DGKI: variants seen among roughly 807,000 people sequenced by gnomAD.
DGKI encodes the protein diacylglycerol kinase iota.
DGKI carries 55 observed loss-of-function variants against 147.5 expected under a neutral mutation model. The observed-to-expected ratio is 0.37, with a 90% confidence interval of 0.30 to 0.47. The LOEUF is 0.47. DGKI is among the 20% of genes least tolerant of loss of function. The pLI is 1.00. For synonymous variants in DGKI, 469 were observed against 477.1 expected (o/e 0.98, Z 0.22); for missense variants, 1,007 against 1,323.8 (o/e 0.76, Z 3.71).
intron 6 of DGKI, among the ~76,000 whole-genome samples, chr7:137,624,066 A>T (rs770118156): frequency 3.3e-5 from 5 of 152,214 alleles, no homozygotes; most frequent in Non-Finnish European, 7.3e-5. Context: ...CACTTTCATA[A>T]GCCCCTTGAG....
rs1286443242 is a variant in DGKI at position 137,767,532 on chromosome 7, GT to G, written c.402-77531del. Among the ~76,000 whole-genome samples the G allele has an allele frequency of 6.6e-3, 886 of 134,886 alleles. 17 individuals are homozygous for G. Among genetic ancestry groups the G allele is most frequent in the African/African-American group, 0.025 (837 of 33,382 alleles). The allele number at this position is 134,886 out of a possible 152,430, so 88.5% of individuals were successfully genotyped here. A position where few individuals can be genotyped will look rare whatever the true frequency, so the allele number is the denominator to read the frequency against. ...GAAGAGAAGAGAAGAGAAGAGAAGA[GT>G]AGAGTAGGAGGAAGAGGAAGAGAAG... On this transcript the variant is annotated intron_variant, in intron 1 of 32. Coordinates refer to ENST00000614521, the MANE Select transcript of DGKI (RefSeq NM_001321708.2).
At chr7:137,427,018 A>G (rs1812840177) in intron 28 of DGKI, among the ~76,000 whole-genome samples, 1 of 150,806 alleles carries the variant, frequency 6.6e-6, no homozygotes, top group African/African-American at 2.5e-5. Context: ...AAGGATACCC[A>G]GGAATTGAAC....
intron 1 of DGKI, among the ~76,000 whole-genome samples, chr7:137,772,732 T>C (rs1409513440): frequency 6.6e-6 from 1 of 152,258 alleles, no homozygotes; most frequent in Non-Finnish European, 1.5e-5. Flanking sequence ...GGAAACACTG[T>C]CAGCAGTTAT....
intron 1 of DGKI, among the ~76,000 whole-genome samples, chr7:137,817,810 T>G (rs1425400682): frequency 2.0e-5 from 3 of 152,238 alleles, no homozygotes; most frequent in African/African-American, 7.2e-5. Context: ...TCCCATGCCT[T>G]TCTTACCCGT....
chr7:137,407,061 A>G (rs1013489005), intron 30 of DGKI, among the ~76,000 whole-genome samples: 32 of 152,072 alleles, frequency 2.1e-4, no homozygotes, highest in African/African-American at 7.0e-4. Context: ...AACTTTTCCA[A>G]TCTCTCTGTA....
At chr7:137,471,812 A>G (rs1407131292) in intron 23 of DGKI, among the ~76,000 whole-genome samples, 1 of 149,716 alleles carries the variant, frequency 6.7e-6, no homozygotes, top group Non-Finnish European at 1.5e-5. Flanking sequence ...AAATATGTAT[A>G]TCATTTATAT....
At chr7:137,497,214 G>C (rs1410312045) in intron 21 of DGKI, among the ~76,000 whole-genome samples, 1 of 151,886 alleles carries the variant, frequency 6.6e-6, no homozygotes, top group Non-Finnish European at 1.5e-5. Context: ...CTGATCATTA[G>C]AGAAATGCAA....
rs1376046979 is a variant in DGKI at position 137,846,737 on chromosome 7, G to A, written c.126C>T (p.Cys42=). 6 of 1,010,708 alleles carry A rather than the reference G, an allele frequency of 5.9e-6. No homozygotes were observed. Among genetic ancestry groups the A allele is most frequent in the Admixed American group, 5.9e-5 (1 of 16,854 alleles). The allele number at this position is 1,010,708 out of a possible 1,614,324, so 62.6% of individuals were successfully genotyped here. A position where few individuals can be genotyped will look rare whatever the true frequency, so the allele number is the denominator to read the frequency against. ...CCGCTCCGGCGGCCGCGGAGGGAGC[G>A]CAGGCGGCGCCGCTGCAGGGGCCGG... ...SPPGPCSGAA[C]APSAAAGAGA... is the part of the protein sequence containing the mutation. Residue 42 remains cysteine (C), a synonymous_variant, in exon 1 of 33, where the codon TGC becomes TGT. Transcript: ENST00000614521. The surrounding 1 kb of genome is among the most constrained non-coding windows in gnomAD (Gnocchi z 4.0).
rs1187478753 is a variant in DGKI at position 137,385,012 on chromosome 7, A to G, written c.*6208T>C. Reference sequence around the variant, plus strand: ...TCATGTACATTTACTTGGCTCCCAAATACCTTACAGGCAGAATTTTCTTCT... The same window carrying G: ...TCATGTACATTTACTTGGCTCCCAAGTACCTTACAGGCAGAATTTTCTTCT... On this transcript the variant is annotated 3_prime_UTR_variant, in exon 33 of 33. Coordinates refer to ENST00000614521, the MANE Select transcript of DGKI (RefSeq NM_001321708.2). The G allele has an allele frequency of 2.6e-5, 4 of 152,084 alleles. No homozygotes were observed. The highest frequency in any genetic ancestry group is 5.9e-5 in the Non-Finnish European group (4 of 67,996). 9.4% of individuals were successfully genotyped at this position (152,084 alleles called of 1,614,324 possible).
At chr7:137,472,197 T>C (rs1426661609) in intron 23 of DGKI, among the ~76,000 whole-genome samples, 1 of 114,066 alleles carries the variant, frequency 8.8e-6, no homozygotes, top group African/African-American at 3.6e-5. Flanking sequence ...CATATAAATA[T>C]TATATACATA....
In DGKI at chr7:137,386,604, T is replaced by A. The variant is rs1811183422; in HGVS notation, c.*4616A>T. On this transcript the variant is annotated 3_prime_UTR_variant, in exon 33 of 33. Transcript: ENST00000614521. The stretch of plus-strand genomic sequence containing the variant: ...GATTTTTGCAACTGCGTGACAAAAT[T>A]ATTGACAGTAGTAGGCAGAAAGTTC... The A allele has an allele frequency of 6.6e-6, 1 of 152,056 alleles. No individual in the cohort carries two copies. Among genetic ancestry groups the A allele is most frequent in the Non-Finnish European group, 1.5e-5 (1 of 67,998 alleles). 9.4% of individuals were successfully genotyped at this position (152,056 alleles called of 1,614,324 possible).
intron 21 of DGKI, among the ~76,000 whole-genome samples, chr7:137,492,293 A>C (rs190932940): frequency 6.6e-6 from 1 of 152,358 alleles, no homozygotes; most frequent in African/African-American, 2.4e-5. Flanking sequence ...TCCAGGCAAG[A>C]TAGCTGAACA....
intron 1 of DGKI, among the ~76,000 whole-genome samples, chr7:137,729,140 T>C (rs891223541): frequency 1.3e-5 from 2 of 152,078 alleles, no homozygotes; most frequent in African/African-American, 2.4e-5. Flanking sequence ...AGGTGCCAAA[T>C]TTTTATTTTG....
At chr7:137,500,575 T>A (rs1037852664) in intron 21 of DGKI, among the ~76,000 whole-genome samples, 1 of 152,058 alleles carries the variant, frequency 6.6e-6, no homozygotes, top group East Asian at 1.9e-4. Flanking sequence ...CATAACAAAA[T>A]ATAATTTATA....
chr7:137,521,889 T>G lies in DGKI; in HGVS notation c.2225A>C (p.Asp742Ala). The part of the protein sequence containing the change: ...SLQDYEGFHY[D>A]KEKLREASIP... ...ACAAGCTTCTCGGAGTTTCTCCTTG[T>G]CATAGTGGAATCCTTCATAGTCTTG... is the stretch of plus-strand genomic sequence containing the variant. The change falls in exon 21 of 33, where the codon GAC (aspartate) becomes GCC (alanine). Residue 742 changes from aspartate (D) to alanine (A), a missense_variant. Asp to Ala is a moderately radical substitution (Grantham distance 126). Transcript: ENST00000614521. 1.2e-6 allele frequency: 2 copies of G among 1,611,790 alleles called. No individual in the cohort carries two copies. Among genetic ancestry groups the G allele is most frequent in the Non-Finnish European group, 1.7e-6 (2 of 1,178,588 alleles).
At chr7:137,769,356 C>T (rs559055100) in intron 1 of DGKI, among the ~76,000 whole-genome samples, 1 of 152,294 alleles carries the variant, frequency 6.6e-6, no homozygotes, top group South Asian at 2.1e-4. Flanking sequence ...TTCAAGTGAA[C>T]TGGAAAGAAC....
intron 19 of DGKI, among the ~76,000 whole-genome samples, chr7:137,554,843 T>C (rs1388229716): frequency 6.6e-6 from 1 of 151,202 alleles, no homozygotes; most frequent in East Asian, 1.9e-4. Flanking sequence ...GCTTGTGTTT[T>C]AAAGACTAAC....
chr7:137,745,798 T>G (rs1403723043), intron 1 of DGKI, among the ~76,000 whole-genome samples: 1 of 152,128 alleles, frequency 6.6e-6, no homozygotes, highest in Non-Finnish European at 1.5e-5. Context: ...AAACATATGC[T>G]GAGGTTACTA....
At chr7:137,420,139 G>T (rs1812508272) in intron 28 of DGKI, among the ~76,000 whole-genome samples, 1 of 152,216 alleles carries the variant, frequency 6.6e-6, no homozygotes, top group Non-Finnish European at 1.5e-5. Flanking sequence ...TCTCATGTGG[G>T]ATTCCTGGGC....
Sources: gnomAD v4.1 joint callset for allele counts (sites outside exome capture counted in the v4.1 genomes callset) on GRCh38, gnomAD v4.1.1 for gene constraint, Gnocchi (gnomAD v3.1) non-coding constraint, MANE v1.5 for transcripts, NCBI Gene and HGNC (gene_info 2026-07-23, HGNC 2026-07-21) for gene names.